Variants in BCAR3 observed in about 807,000 individuals in gnomAD.
BCAR3 encodes the protein breast cancer anti-estrogen resistance protein 3.
In BCAR3, 37 loss-of-function variants were observed where a neutral mutation model predicts 80.1. The observed-to-expected ratio is 0.46, with a 90% CI of 0.36 to 0.61. BCAR3 has a LOEUF of 0.61. Among genes scored for constraint, BCAR3 ranks in the 20% least tolerant of loss-of-function variants. The probability of loss-of-function intolerance (pLI) is 0.00; values close to 1 mark genes in which losing one functional copy is unlikely to be tolerated. For synonymous variants in BCAR3, 389 were observed against 418.9 expected, an observed-to-expected ratio of 0.93 and a Z score of 0.87; for missense variants, 978 against 1,068.2, an observed-to-expected ratio of 0.92 and a Z score of 1.18.
At chr1:93,652,599 AAAAC>A (rs1297111578) in intron 2 of BCAR3, among the ~76,000 whole-genome samples, 6 of 152,256 alleles carry the variant, frequency 3.9e-5, no homozygotes, top group Non-Finnish European at 5.9e-5. Flanking sequence ...AGATCACTAG[AAAAC>A]AAACAGAGAA....
At chr1:93,832,486 T>C (rs966870097) in intron 2 of BCAR3, among the ~76,000 whole-genome samples, 3 of 152,174 alleles carry the variant, frequency 2.0e-5, no homozygotes, top group Non-Finnish European at 4.4e-5. Flanking sequence ...CCCAAGGCTC[T>C]CTGACTGACT....
intron 2 of BCAR3, among the ~76,000 whole-genome samples, chr1:93,828,956 G>T (rs1654467643): frequency 6.6e-6 from 1 of 152,134 alleles, no homozygotes; most frequent in Non-Finnish European, 1.5e-5. Flanking sequence ...AAACAGCTCT[G>T]TTGTCTGGGG....
chr1:93,786,056 G>A lies in BCAR3; in HGVS notation c.-63+59511C>T, dbSNP rs972970972. On this transcript the variant is annotated intron_variant, in intron 2 of 13. Transcript: ENST00000370244. ...AAAATACAAAAAATTAGCCGGGCGT[G>A]GTGGCGGGCGCCTGTAGTCCCAGCT... Among the ~76,000 whole-genome samples the A allele has an allele frequency of 1.3e-3, 183 of 141,744 alleles. 30 individuals are homozygous for A. Among genetic ancestry groups the A allele is most frequent in the African/African-American group, 5.1e-3 (176 of 34,602 alleles). The allele number at this position is 141,744 out of a possible 152,430, so 93.0% of individuals were successfully genotyped here.
chr1:93,818,015 C>A (rs925693985), intron 2 of BCAR3, among the ~76,000 whole-genome samples: 5 of 152,226 alleles, frequency 3.3e-5, no homozygotes, highest in African/African-American at 1.2e-4. Context: ...CCCTCCTTAC[C>A]GGTGACGCAC....
intron 2 of BCAR3, among the ~76,000 whole-genome samples, chr1:93,739,567 G>C (rs1330526093): frequency 6.6e-6 from 1 of 152,180 alleles, no homozygotes; most frequent in Admixed American, 6.5e-5. Context: ...AGGGCCCTGA[G>C]CTGGAAGGAT....
chr1:93,572,138 A>G (rs1023033168), intron 8 of BCAR3, among the ~76,000 whole-genome samples: 1 of 152,162 alleles, frequency 6.6e-6, no homozygotes, highest in Non-Finnish European at 1.5e-5. Context: ...CCTGGGGCAA[A>G]GGTGCTCAGA....
At chr1:93,723,319 CA>C (rs925204809) in intron 2 of BCAR3, 14 of 152,312 alleles carry the variant, frequency 9.2e-5, no homozygotes, top group African/African-American at 3.4e-4. Flanking sequence ...GACAGGCTTG[CA>C]TTCCTTTAGG....
intron 3 of BCAR3, among the ~76,000 whole-genome samples, chr1:93,619,675 C>A (rs1186638719): frequency 1.3e-5 from 2 of 152,214 alleles, no homozygotes; most frequent in African/African-American, 4.8e-5. Flanking sequence ...AATGGGCAGA[C>A]GGGCATCTGC....
chr1:93,704,592 G>A (rs532800546), intron 3 of BCAR3, among the ~76,000 whole-genome samples: 2 of 152,250 alleles, frequency 1.3e-5, no homozygotes, highest in East Asian at 3.9e-4. Flanking sequence ...CAGAGTCAGG[G>A]GTGCATTATG....
intron 3 of BCAR3, among the ~76,000 whole-genome samples, chr1:93,607,894 A>G (rs1674824523): frequency 6.6e-6 from 1 of 152,152 alleles, no homozygotes; most frequent in Non-Finnish European, 1.5e-5. Context: ...TCCGCCCACC[A>G]GACACAGCAG....
intron 2 of BCAR3, among the ~76,000 whole-genome samples, chr1:93,741,080 G>A (rs1213954772): frequency 6.6e-6 from 1 of 152,158 alleles, no homozygotes; most frequent in Non-Finnish European, 1.5e-5. Flanking sequence ...GCCTAAATCT[G>A]TTAGGTGGCT....
chr1:93,675,694 G>GA (rs948048265), intron 1 of BCAR3, among the ~76,000 whole-genome samples: 57 of 151,164 alleles, frequency 3.8e-4, no homozygotes, highest in African/African-American at 1.3e-3. Flanking sequence ...AAGAAGAAAA[G>GA]AAAAAAAATG....
intron 2 of BCAR3, among the ~76,000 whole-genome samples, chr1:93,718,710 T>C (rs1650278272): frequency 1.0e-5 from 1 of 98,618 alleles, no homozygotes. Context: ...TTTTTTTTTT[T>C]TTGAGACGGG....
intron 2 of BCAR3, among the ~76,000 whole-genome samples, chr1:93,762,152 G>T (rs185470934): frequency 6.6e-6 from 1 of 152,214 alleles, no homozygotes; most frequent in Admixed American, 6.5e-5. Flanking sequence ...TCTCCATAGG[G>T]GCTGAAGACA....
At chr1:93,694,396 A>T (rs1649312348) in intron 3 of BCAR3, among the ~76,000 whole-genome samples, 1 of 152,192 alleles carries the variant, frequency 6.6e-6, no homozygotes, top group African/African-American at 2.4e-5. Context: ...GAGCCCAGTC[A>T]TGACTCCAGA....
At chr1:93,838,538 G>A (rs749117277) in intron 2 of BCAR3, among the ~76,000 whole-genome samples, 15 of 152,220 alleles carry the variant, frequency 9.9e-5, no homozygotes, top group African/African-American at 1.4e-4. Context: ...ATTTTGGTGG[G>A]GACAAACTAA....
chr1:93,727,400 C>A (rs1650632039), intron 2 of BCAR3, among the ~76,000 whole-genome samples: 1 of 152,210 alleles, frequency 6.6e-6, no homozygotes, highest in African/African-American at 2.4e-5. Flanking sequence ...TTAGTTTCAA[C>A]TCTTGAATTT....
At position 93,824,195 on chromosome 1, in the gene BCAR3, C is replaced by T. The variant is rs865912601; in HGVS notation, c.-63+21372G>A. On this transcript the variant is annotated intron_variant, in intron 2 of 13. Transcript: ENST00000370244. ...CAACGTGGCCTGGCCAACTTTACCA[C>T]GTCCTCTCTACATCTTGCCTAAAGT... 4.5e-5 allele frequency among the ~76,000 whole-genome samples: 6 copies of T among 134,102 alleles called. 1 individual carries two copies. The highest frequency in any genetic ancestry group is 1.0e-4 in the African/African-American group (4 of 39,810). The allele number at this position is 134,102 out of a possible 152,430, so 88.0% of individuals were successfully genotyped here. A position where few individuals can be genotyped will look rare whatever the true frequency, so the allele number is the denominator to read the frequency against.
intron 3 of BCAR3, chr1:93,613,820 TG>T: frequency 6.5e-7 from 1 of 1,549,262 alleles, no homozygotes; most frequent in Non-Finnish European, 8.7e-7. Context: ...GATTGACAGA[TG>T]TACTTTATTT....
Sources: allele counts gnomAD v4.1 joint callset (sites outside exome capture counted in the v4.1 genomes callset), GRCh38; gene constraint gnomAD v4.1.1; transcripts MANE v1.5; gene names NCBI Gene and HGNC (gene_info 2026-07-23, HGNC 2026-07-21).